TDRP: variants seen among roughly 807,000 people sequenced by gnomAD.
TDRP encodes the protein testis development-related protein.
In TDRP, 12 loss-of-function variants were observed where a neutral mutation model predicts 10.5. The observed-to-expected ratio is 1.15, with a 90% CI of 0.73 to 1.86. The LOEUF is 1.86. Ranked by LOEUF, TDRP falls within the 40% of genes most tolerant of loss-of-function variation. TDRP has a pLI of 0.00. For missense variants in TDRP, 353 were observed against 229.2 expected, an observed-to-expected ratio of 1.54 and a Z score of -3.49; for synonymous variants, 139 against 95.4, an observed-to-expected ratio of 1.46 and a Z score of -2.67.
rs1055792880 is a variant in TDRP, at chr8:491,882, G to A, written c.*517C>T. On this transcript the variant is annotated 3_prime_UTR_variant, in exon 3 of 3. Transcript: ENST00000324079. ...CTTTGCTTTTCCAGTATTTGTTTACGTATTTGTTTAATAAGAACAAAGTTT... is the reference window on the plus strand; with the variant it reads ...CTTTGCTTTTCCAGTATTTGTTTACATATTTGTTTAATAAGAACAAAGTTT... 5.9e-5 allele frequency: 70 copies of A among 1,184,488 alleles called. No homozygotes were observed. Among genetic ancestry groups the A allele is most frequent in the Admixed American group, 5.4e-4 (12 of 22,290 alleles). The allele number at this position is 1,184,488 out of a possible 1,614,324, so 73.4% of individuals were successfully genotyped here.
At position 526,759 on chromosome 8, in the gene TDRP, A is replaced by T. The variant is rs112179839; in HGVS notation, c.108+17891T>A. On this transcript the variant is annotated intron_variant, in intron 1 of 2. Coordinates refer to ENST00000324079, the MANE Select transcript of TDRP (RefSeq NM_001384899.1). ...CCTTCTCCTCTATTTTTCATACTGA[A>T]GGGAAAAATGAAATCCTTTCCTCTC... 1.7e-3 allele frequency among the ~76,000 whole-genome samples: 256 copies of T among 152,296 alleles called. 1 individual carries two copies. The highest frequency in any genetic ancestry group is 6.0e-3 in the African/African-American group (251 of 41,558).
chr8:520,088 T>A (rs1458547319), intron 1 of TDRP, among the ~76,000 whole-genome samples: 1 of 152,236 alleles, frequency 6.6e-6, no homozygotes, highest in Admixed American at 6.5e-5. Flanking sequence ...TGTTTCAAAG[T>A]TATATCCTGT....
intron 1 of TDRP, among the ~76,000 whole-genome samples, chr8:514,422 G>A (rs972330100): frequency 6.6e-6 from 1 of 152,156 alleles, no homozygotes; most frequent in Non-Finnish European, 1.5e-5. Context: ...AATGAAGTTG[G>A]ATCTTCACAC....
intron 1 of TDRP, among the ~76,000 whole-genome samples, chr8:498,255 T>C (rs1222195094): frequency 1.3e-5 from 2 of 152,094 alleles, no homozygotes; most frequent in Non-Finnish European, 2.9e-5. Flanking sequence ...AGAAATCAAA[T>C]GGGGCTGTAC....
At chr8:544,296 G>A (rs1278855850) in intron 1 of TDRP, among the ~76,000 whole-genome samples, 1 of 151,954 alleles carries the variant, frequency 6.6e-6, no homozygotes, top group African/African-American at 2.4e-5. Context: ...CGCGCCGCGG[G>A]GTGCGCGCAC....
At chr8:497,315 G>T (rs186698579) in intron 1 of TDRP, among the ~76,000 whole-genome samples, 1 of 152,350 alleles carries the variant, frequency 6.6e-6, no homozygotes, top group East Asian at 1.9e-4. Flanking sequence ...GAACTTATCG[G>T]AAACTGGAGT....
intron 1 of TDRP, among the ~76,000 whole-genome samples, chr8:543,046 G>A (rs185154470): frequency 1.3e-5 from 2 of 152,102 alleles, no homozygotes; most frequent in African/African-American, 2.4e-5. Context: ...GGTGACTCAC[G>A]CCTGTGATCC....
intron 1 of TDRP, among the ~76,000 whole-genome samples, chr8:509,696 A>T (rs191082680): frequency 4.2e-4 from 64 of 152,156 alleles, no homozygotes; most frequent in African/African-American, 1.4e-3. Context: ...CCTGGAGACA[A>T]TTTCCCTATT....
chr8:508,751 T>G (rs1453697622), intron 1 of TDRP, among the ~76,000 whole-genome samples: 1 of 152,200 alleles, frequency 6.6e-6, no homozygotes. Context: ...GACACAATTA[T>G]GCCTTCTCAA....
At chr8:513,388 A>G (rs1302955648) in intron 1 of TDRP, among the ~76,000 whole-genome samples, 1 of 152,092 alleles carries the variant, frequency 6.6e-6, no homozygotes, top group Non-Finnish European at 1.5e-5. Context: ...AATATAGCAA[A>G]TGAATAAAAA....
intron 1 of TDRP, among the ~76,000 whole-genome samples, chr8:506,570 C>G (rs1369223659): frequency 6.6e-6 from 1 of 152,224 alleles, no homozygotes; most frequent in Non-Finnish European, 1.5e-5. Context: ...AACAGTGGAG[C>G]CCTGATCACC....
chr8:495,706 C>T (rs1801109594), intron 1 of TDRP, among the ~76,000 whole-genome samples: 1 of 152,170 alleles, frequency 6.6e-6, no homozygotes, highest in African/African-American at 2.4e-5. Context: ...AAAAATAAAG[C>T]AATCCTGAAA....
chr8:499,857 C>T (rs1801238654), intron 1 of TDRP, among the ~76,000 whole-genome samples: 1 of 152,234 alleles, frequency 6.6e-6, no homozygotes, highest in Non-Finnish European at 1.5e-5. Context: ...AGGACATGGA[C>T]ATTGTCCTGA....
chr8:491,457 C>A lies in TDRP; in HGVS notation c.*942G>T, dbSNP rs1064416. ...AAGAACGCGAGAGATGCTCTCAAAC[C>A]GGTCGTCGATTATTCTTGTGGAAAA... On this transcript the variant is annotated 3_prime_UTR_variant, in exon 3 of 3. Transcript: ENST00000324079. The A allele has an allele frequency of 1.1e-5, 7 of 642,300 alleles. No individual in the cohort carries two copies. The allele number at this position is 642,300 out of a possible 1,614,324, so 39.8% of individuals were successfully genotyped here.
At chr8:510,795 A>G (rs1376761792) in intron 1 of TDRP, among the ~76,000 whole-genome samples, 1 of 152,224 alleles carries the variant, frequency 6.6e-6, no homozygotes, top group Admixed American at 6.5e-5. Flanking sequence ...ATGAGAAAAC[A>G]AAGTGCACCG....
chr8:528,863 A>C (rs1802107667), intron 1 of TDRP, among the ~76,000 whole-genome samples: 1 of 145,174 alleles, frequency 6.9e-6, no homozygotes, highest in African/African-American at 2.6e-5. Context: ...GTGTGTGTGT[A>C]AAGGGGAATT....
intron 1 of TDRP, among the ~76,000 whole-genome samples, chr8:535,631 C>A (rs565701632): frequency 6.6e-6 from 1 of 152,092 alleles, no homozygotes; most frequent in Non-Finnish European, 1.5e-5. Context: ...AGACGTAAAG[C>A]CAAGTCGCCC....
chr8:544,461 G>T (rs1802582199), intron 1 of TDRP, among the ~76,000 whole-genome samples, 189 bp downstream of exon 1: 1 of 152,060 alleles, frequency 6.6e-6, no homozygotes, highest in African/African-American at 2.4e-5. Flanking sequence ...ACGAGCCTCG[G>T]GTCAAGTTCT....
At chr8:498,447 T>G (rs957127494) in intron 1 of TDRP, among the ~76,000 whole-genome samples, 1 of 152,320 alleles carries the variant, frequency 6.6e-6, no homozygotes, top group Non-Finnish European at 1.5e-5. Flanking sequence ...TTCCCTTTTG[T>G]TGTGGGTGCA....
Sources: allele counts gnomAD v4.1 joint callset (sites outside exome capture counted in the v4.1 genomes callset), GRCh38; gene constraint gnomAD v4.1.1; transcripts MANE v1.5; gene names NCBI Gene and HGNC (gene_info 2026-07-23, HGNC 2026-07-21).